Variants in TMEM35A observed in about 807,000 individuals in gnomAD.
TMEM35A encodes transmembrane protein 35A, also known as nicotinic acetylcholine receptor chaperone.
For missense variants in TMEM35A, 83 were observed against 132.7 expected (o/e 0.63, Z 1.84); for synonymous variants, 50 against 54.7 (o/e 0.91, Z 0.38).
chrX:101,095,121 G>T lies in TMEM35A; in HGVS notation c.*165G>T. 1.8e-6 allele frequency: 1 copy of T among 550,520 alleles called. No homozygotes were observed. Among genetic ancestry groups the T allele is most frequent in the Non-Finnish European group, 2.7e-6 (1 of 364,501 alleles). The allele number at this position is 550,520 out of a possible 1,213,427, so 45.4% of individuals were successfully genotyped here. On this transcript the variant is annotated 3_prime_UTR_variant, in exon 2 of 2. Coordinates refer to ENST00000372930, the MANE Select transcript of TMEM35A (RefSeq NM_021637.3). ...CTTGTGTACATCTATATGCTAAAAT[G>T]ACTTCCCCACATTGACATTTGTGCG... is the stretch of plus-strand genomic sequence containing the variant.
chrX:101,091,453 C>T (rs2089324077), intron 1 of TMEM35A, among the ~76,000 whole-genome samples: 2 of 110,780 alleles, frequency 1.8e-5, no homozygotes, highest in Admixed American at 9.7e-5. Context: ...CAGGCACACA[C>T]TGCCACGCCC....
intron 1 of TMEM35A, among the ~76,000 whole-genome samples, chrX:101,079,539 A>G (rs2089285735): frequency 9.0e-6 from 1 of 111,558 alleles, no homozygotes; most frequent in Admixed American, 9.6e-5. Context: ...GCAGAACAAA[A>G]GGGAAAGAGG....
At chrX:101,087,710 A>C (rs1250691111) in intron 1 of TMEM35A, among the ~76,000 whole-genome samples, 1 of 111,969 alleles carries the variant, frequency 8.9e-6, no homozygotes, top group Non-Finnish European at 1.9e-5. Context: ...AAGTGTTTCC[A>C]GAAGCCATTC....
chrX:101,094,910 C>T lies in TMEM35A; in HGVS notation c.458C>T (p.Pro153Leu), dbSNP rs1401194761. The part of the protein sequence containing the change: ...KPLPGNAEEQ[P>L]SLYEKAPQGK... ...TTGCCAGGGAATGCTGAGGAGCAAC[C>T]CTCCTTATATGAGAAGGCCCCTCAG... Residue 153 changes from proline to leucine, a missense_variant, in exon 2 of 2, where the codon CCC becomes CTC. By Grantham distance (98) the Pro-to-Leu change is moderately conservative. Coordinates refer to ENST00000372930, the MANE Select transcript of TMEM35A (RefSeq NM_021637.3). 3.3e-6 allele frequency: 4 copies of T among 1,205,479 alleles called. No individual in the cohort carries two copies. The highest frequency in any genetic ancestry group is 4.7e-4 in the Middle Eastern group (2 of 4,288).
intron 1 of TMEM35A, among the ~76,000 whole-genome samples, chrX:101,080,515 C>A (rs1431440322): frequency 1.8e-5 from 2 of 110,787 alleles, no homozygotes; most frequent in Non-Finnish European, 3.8e-5. Context: ...CTTCTCCCTT[C>A]CCCTCCTCCC....
At chrX:101,087,980 C>T (rs1261439175) in intron 1 of TMEM35A, among the ~76,000 whole-genome samples, 4 of 108,975 alleles carry the variant, frequency 3.7e-5, no homozygotes, top group Admixed American at 9.9e-5. Context: ...CCACTGCACT[C>T]CAGCCTGGGC....
intron 1 of TMEM35A, among the ~76,000 whole-genome samples, chrX:101,089,451 T>C (rs2089316787): frequency 9.1e-6 from 1 of 110,082 alleles, no homozygotes; most frequent in Non-Finnish European, 1.9e-5. Flanking sequence ...GTAAGTAGCC[T>C]TGCTGACTTT....
intron 1 of TMEM35A, among the ~76,000 whole-genome samples, chrX:101,082,059 A>G (rs1189032369): frequency 9.2e-5 from 9 of 97,403 alleles, no homozygotes; most frequent in African/African-American, 3.4e-4. Flanking sequence ...CATATTTTCA[A>G]TTTTGTTTTA....
chrX:101,079,362 C>A (rs974243011), intron 1 of TMEM35A, among the ~76,000 whole-genome samples: 1 of 110,923 alleles, frequency 9.0e-6, no homozygotes, highest in African/African-American at 3.3e-5. Flanking sequence ...AGCGAATACC[C>A]CCCATCCCAA....
rs755911932 is a variant in TMEM35A at position 101,083,815 on chromosome X, G to A, written c.120+4693G>A. Among the ~76,000 whole-genome samples the A allele has an allele frequency of 3.3e-3, 369 of 111,024 alleles. 1 individual carries two copies. Among genetic ancestry groups the A allele is most frequent in the African/African-American group, 0.011 (350 of 30,592 alleles). On this transcript the variant is annotated intron_variant, in intron 1 of 1. Transcript: ENST00000372930. ...TGGGGAGCTTGTAGCCTCTCAGTAT[G>A]GACAAAAGCTGAGTTTGTTTCAGAC...
At chrX:101,091,087 C>T (rs2089322886) in intron 1 of TMEM35A, among the ~76,000 whole-genome samples, 1 of 110,569 alleles carries the variant, frequency 9.0e-6, no homozygotes, top group Admixed American at 9.7e-5. Flanking sequence ...GCGATCCACC[C>T]GCCTCGGCCT....
chrX:101,091,585 G>A (rs1445264055), intron 1 of TMEM35A, among the ~76,000 whole-genome samples: 1 of 112,226 alleles, frequency 8.9e-6, no homozygotes, highest in Non-Finnish European at 1.9e-5. Flanking sequence ...GATTACAGGC[G>A]TGAGCCACCA....
At chrX:101,085,251 T>C (rs1035879409) in intron 1 of TMEM35A, among the ~76,000 whole-genome samples, 1 of 111,598 alleles carries the variant, frequency 9.0e-6, no homozygotes, top group Non-Finnish European at 1.9e-5. Flanking sequence ...TATGAGATCA[T>C]GGATCCTGCT....
Position 101,078,938 on chromosome X carries a change from C to G in TMEM35A, c.-65C>G. ...CCCCAGCTCTCCCTGTGCTAACTGC[C>G]TGCACCTTGGACAGAGCGGGTGCGC... On this transcript the variant is annotated 5_prime_UTR_variant, in exon 1 of 2. Coordinates refer to ENST00000372930, the MANE Select transcript of TMEM35A (RefSeq NM_021637.3). The G allele has an allele frequency of 8.3e-7, 1 of 1,199,714 alleles. No individual in the cohort carries two copies. The highest frequency in any genetic ancestry group is 1.1e-6 in the Non-Finnish European group (1 of 887,331).
At chrX:101,082,131 TTC>T (rs2089293765) in intron 1 of TMEM35A, among the ~76,000 whole-genome samples, 1 of 80,065 alleles carries the variant, frequency 1.2e-5, no homozygotes, top group Non-Finnish European at 2.2e-5. Flanking sequence ...TTTTCTTTCT[TTC>T]TTTTTTTTTT....
chrX:101,080,429 G>T (rs1388353021), intron 1 of TMEM35A, among the ~76,000 whole-genome samples: 1 of 111,728 alleles, frequency 9.0e-6, no homozygotes, highest in Non-Finnish European at 1.9e-5. Context: ...CTTCCTCACC[G>T]CAGGATCACC....
intron 1 of TMEM35A, among the ~76,000 whole-genome samples, chrX:101,080,265 A>G (rs1602741580): frequency 9.0e-6 from 1 of 111,641 alleles, no homozygotes; most frequent in South Asian, 3.8e-4. Context: ...CGAGGAATTC[A>G]TAGCTCTCCT....
intron 1 of TMEM35A, among the ~76,000 whole-genome samples, chrX:101,093,988 C>T (rs2045646609): frequency 8.9e-6 from 1 of 111,862 alleles, no homozygotes. Flanking sequence ...CCCAAAGCCC[C>T]ACCTACTAAT....
At chrX:101,085,558 G>A (rs1284640305) in intron 1 of TMEM35A, among the ~76,000 whole-genome samples, 1 of 110,957 alleles carries the variant, frequency 9.0e-6, no homozygotes, top group Admixed American at 9.7e-5. Flanking sequence ...CCGAGATCGT[G>A]CAGCTGCACT....
Sources: gnomAD v4.1 joint callset for allele counts (sites outside exome capture counted in the v4.1 genomes callset) on GRCh38, gnomAD v4.1.1 for gene constraint, MANE v1.5 for transcripts, NCBI Gene and HGNC (gene_info 2026-07-23, HGNC 2026-07-21) for gene names.